Variants in RIMS3 observed in about 807,000 individuals in gnomAD.
RIMS3 encodes the protein regulating synaptic membrane exocytosis 3, also known as regulating synaptic membrane exocytosis protein 3.
In RIMS3, 15 loss-of-function variants were observed where a neutral mutation model predicts 29.2. The observed-to-expected ratio is 0.51, with a 90% confidence interval of 0.34 to 0.79. The LOEUF is 0.79. RIMS3 is among the 30% of genes least tolerant of loss of function. The probability of loss-of-function intolerance (pLI) is 0.01; values close to 1 mark genes in which losing one functional copy is unlikely to be tolerated. For missense variants in RIMS3, 342 were observed against 421.4 expected, an observed-to-expected ratio of 0.81 and a Z score of 1.65; for synonymous variants, 161 against 170.1, an observed-to-expected ratio of 0.95 and a Z score of 0.41.
In RIMS3 at chr1:40,623,314, C is replaced by G. The variant is rs1646433826; in HGVS notation, c.*3203G>C. 1 of 398,154 alleles carries G rather than the reference C, an allele frequency of 2.5e-6. No homozygotes were observed. The allele number at this position is 398,154 out of a possible 1,614,324, so 24.7% of individuals were successfully genotyped here. A position where few individuals can be genotyped will look rare whatever the true frequency, so the allele number is the denominator to read the frequency against. ...TTCCCCTTGTCAAACCAAGACTTGG[C>G]TCCATTTACTGGAGCCTTTTTCATA... On this transcript the variant is annotated 3_prime_UTR_variant, in exon 8 of 8. Transcript: ENST00000372684.
the RIMS3 span, among the ~76,000 whole-genome samples, chr1:40,685,444 G>A: frequency 6.6e-6 from 1 of 150,914 alleles, no homozygotes; most frequent in Non-Finnish European, 1.5e-5. Flanking sequence ...CCATCGCACA[G>A]TGACGCAGGC....
At chr1:40,641,470 T>C (rs981003470) in intron 3 of RIMS3, among the ~76,000 whole-genome samples, 1 of 152,218 alleles carries the variant, frequency 6.6e-6, no homozygotes, top group Non-Finnish European at 1.5e-5. Context: ...CTACTAGTTG[T>C]GCAGTTTGAA....
chr1:40,636,312 G>A lies in RIMS3; in HGVS notation c.218-255C>T, dbSNP rs766305803. 1.2e-4 allele frequency among the ~76,000 whole-genome samples: 19 copies of A among 152,074 alleles called. No individual in the cohort carries two copies. The highest frequency in any genetic ancestry group is 3.9e-4 in the East Asian group (2 of 5,192). On this transcript the variant is annotated intron_variant, in intron 3 of 7. Coordinates refer to ENST00000372684, the MANE Select transcript of RIMS3 (RefSeq NM_014747.3). The surrounding 1 kb of genome is among the most constrained non-coding windows in gnomAD (Gnocchi z 4.2). ...TGGCTGCAGGCAGAGTCATGATGGC[G>A]CCACCACGCAGAGCCGCAGATCCGC... is the stretch of plus-strand genomic sequence containing the variant.
In RIMS3 at chr1:40,640,603, G is replaced by A. The variant is rs547924095; in HGVS notation, c.217+1106C>T. 9.9e-5 allele frequency among the ~76,000 whole-genome samples: 15 copies of A among 152,172 alleles called. No individual in the cohort carries two copies. In the East Asian group the frequency reaches 2.3e-3, roughly 24 times the overall value. ...GTTGTTACTCTGAACAAAATAAGCCGGAAGAGATTTTAAAACAAAACCAGC... is the reference window on the plus strand; with the variant it reads ...GTTGTTACTCTGAACAAAATAAGCCAGAAGAGATTTTAAAACAAAACCAGC... On this transcript the variant is annotated intron_variant, in intron 3 of 7. Transcript: ENST00000372684.
chr1:40,643,625 C>G (rs991158107), intron 2 of RIMS3, among the ~76,000 whole-genome samples: 1 of 151,958 alleles, frequency 6.6e-6, no homozygotes, highest in Admixed American at 6.6e-5. Context: ...TACAGGCGTG[C>G]GCCACCATGC....
At chr1:40,675,276 G>GAAAAAAA in the RIMS3 span, among the ~76,000 whole-genome samples, 1 of 140,610 alleles carries the variant, frequency 7.1e-6, no homozygotes. Flanking sequence ...CCTGTCTCAG[G>GAAAAAAA]AAAAAAAAAA....
rs756648713 is a variant in RIMS3, at chr1:40,628,955, G to T, written c.575-6C>A. The T allele has an allele frequency of 6.2e-7, 1 of 1,612,962 alleles. No homozygotes were observed. Among genetic ancestry groups the T allele is most frequent in the Non-Finnish European group, 8.5e-7 (1 of 1,180,022 alleles). On this transcript the variant is annotated splice_polypyrimidine_tract_variant and splice_region_variant and intron_variant, in intron 6 of 7. Coordinates refer to ENST00000372684, the MANE Select transcript of RIMS3 (RefSeq NM_014747.3). ...GTAAACCTTGATATAGGTGGCTAAG[G>T]GAGGAGAGAATGTATGACAGGGAGG...
chr1:40,687,917 AG>A, the RIMS3 span, among the ~76,000 whole-genome samples: 1 of 152,134 alleles, frequency 6.6e-6, no homozygotes, highest in Non-Finnish European at 1.5e-5. Context: ...AGTGGAAGTA[AG>A]CTTTCCCTTT....
intron 5 of RIMS3, among the ~76,000 whole-genome samples, chr1:40,630,930 T>C (rs1646485200): frequency 6.6e-6 from 1 of 152,182 alleles, no homozygotes; most frequent in Non-Finnish European, 1.5e-5. Context: ...CCCCATCATC[T>C]CCTGTTCCAG....
rs1557658579 is a variant in RIMS3, at chr1:40,621,575, A to G, written c.*4942T>C. ...ATGTGCTCCAGATCAGAGACTTTTA[A>G]TTAAAACTGGGAGGGAATCATGGGG... On this transcript the variant is annotated 3_prime_UTR_variant, in exon 8 of 8. Transcript: ENST00000372684. 6.6e-6 allele frequency: 1 copy of G among 152,178 alleles called. No individual in the cohort carries two copies. The highest frequency in any genetic ancestry group is 2.4e-5 in the African/African-American group (1 of 41,444). The allele number at this position is 152,178 out of a possible 1,614,324, so 9.4% of individuals were successfully genotyped here.
At chr1:40,643,323 G>C (rs1646572332) in intron 2 of RIMS3, among the ~76,000 whole-genome samples, 1 of 151,916 alleles carries the variant, frequency 6.6e-6, no homozygotes, top group Admixed American at 6.6e-5. Flanking sequence ...AGTAGAGATG[G>C]GGTTTCACCA....
At chr1:40,633,262 TGGCCCTGG>T (rs1170674930) in intron 4 of RIMS3, 81 bp from the exon 5 acceptor site, 2 of 1,126,868 alleles carry the variant, frequency 1.8e-6, no homozygotes, top group African/African-American at 3.0e-5. Context: ...TGCCATGCTC[TGGCCCTGG>T]GGCCCTGGGC....
rs1022626395 is a variant in RIMS3 at position 40,622,772 on chromosome 1, C to T, written c.*3745G>A. 4 of 152,716 alleles carry T rather than the reference C, an allele frequency of 2.6e-5. No homozygotes were observed. Among genetic ancestry groups the T allele is most frequent in the African/African-American group, 9.7e-5 (4 of 41,428 alleles). 9.5% of individuals were successfully genotyped at this position (152,716 alleles called of 1,614,324 possible). A position where few individuals can be genotyped will look rare whatever the true frequency, so the allele number is the denominator to read the frequency against. ...GAGGAGCATCACTAAAGCCCCATTG[C>T]TTTCTGGGCTGAGGAAGATGGGGAA... On this transcript the variant is annotated 3_prime_UTR_variant, in exon 8 of 8. Coordinates refer to ENST00000372684, the MANE Select transcript of RIMS3 (RefSeq NM_014747.3).
upstream of RIMS3, among the ~76,000 whole-genome samples, chr1:40,666,189 G>A (rs1199739791): frequency 6.6e-6 from 1 of 152,204 alleles, no homozygotes; most frequent in Non-Finnish European, 1.5e-5. Flanking sequence ...CAGACAGAAG[G>A]AAGTAGAGTG....
At chr1:40,637,331 A>G (rs1055687490) in intron 3 of RIMS3, among the ~76,000 whole-genome samples, 7 of 152,090 alleles carry the variant, frequency 4.6e-5, no homozygotes, top group Non-Finnish European at 1.0e-4. Flanking sequence ...GCAGGCAGAG[A>G]GGTCTAGGAT....
chr1:40,628,437 C>T (rs184062795), intron 7 of RIMS3, among the ~76,000 whole-genome samples: 192 of 152,350 alleles, frequency 1.3e-3, no homozygotes, highest in African/African-American at 4.5e-3. Context: ...AAGAGAATCA[C>T]ACCTACTCCA....
At chr1:40,631,202 C>G (rs1646486979) in intron 5 of RIMS3, among the ~76,000 whole-genome samples, 1 of 152,116 alleles carries the variant, frequency 6.6e-6, no homozygotes, top group South Asian at 2.1e-4. Flanking sequence ...TGGGGAGGAG[C>G]TGCTGGAAGC....
At chr1:40,650,700 A>G (rs1259352087) in intron 1 of RIMS3, among the ~76,000 whole-genome samples, 4 of 151,712 alleles carry the variant, frequency 2.6e-5, no homozygotes, top group African/African-American at 9.7e-5. Flanking sequence ...CATCTCTAAA[A>G]AAAAAAAATA....
the RIMS3 span, chr1:40,690,972 T>C: frequency 3.9e-5 from 6 of 152,256 alleles, no homozygotes. Context: ...TGTGGGGACT[T>C]AGATCAAGTT....
Sources: gnomAD v4.1 joint callset for allele counts (sites outside exome capture counted in the v4.1 genomes callset) on GRCh38, gnomAD v4.1.1 for gene constraint, Gnocchi (gnomAD v3.1) non-coding constraint, MANE v1.5 for transcripts, NCBI Gene and HGNC (gene_info 2026-07-23, HGNC 2026-07-21) for gene names.